Variants in TMEM132D observed in about 807,000 individuals in gnomAD.
The protein encoded by TMEM132D is transmembrane protein 132D.
A neutral mutation model predicts 62.3 loss-of-function variants in TMEM132D; 21 were observed. The observed-to-expected ratio is 0.34, with a 90% confidence interval of 0.24 to 0.49. The LOEUF is 0.49. Among genes scored for constraint, TMEM132D ranks in the 20% least tolerant of loss-of-function variants. The pLI, the probability that TMEM132D is intolerant of heterozygous loss-of-function variation, is 0.99. For missense variants in TMEM132D, 1,346 were observed against 1,402.8 expected (o/e 0.96, Z 0.65); for synonymous variants, 621 against 575.6 (o/e 1.08, Z -1.13).
At chr12:129,890,228 G>A (rs1874877175) in intron 1 of TMEM132D, among the ~76,000 whole-genome samples, 1 of 152,214 alleles carries the variant, frequency 6.6e-6, no homozygotes, top group Non-Finnish European at 1.5e-5. Context: ...TTGAGCAGGT[G>A]CATCCATCTG....
intron 4 of TMEM132D, among the ~76,000 whole-genome samples, chr12:129,258,309 A>T (rs1474681778): frequency 6.6e-6 from 1 of 152,034 alleles, no homozygotes. Context: ...TAGCAAAGAT[A>T]ATTATTATTA....
intron 1 of TMEM132D, among the ~76,000 whole-genome samples, chr12:129,790,106 G>C (rs184471099): frequency 1.7e-3 from 256 of 152,324 alleles, no homozygotes; most frequent in Non-Finnish European, 2.6e-3. Context: ...TTGCAGGAGG[G>C]GGAGCGCAGG....
chr12:129,074,462 C>A lies in TMEM132D; in HGVS notation c.2713G>T (p.Asp905Tyr), dbSNP rs2135603217. Residue 905 changes from aspartate (D) to tyrosine (Y), a missense_variant, in exon 9 of 9, where the codon GAC becomes TAC. Coordinates refer to ENST00000422113, the MANE Select transcript of TMEM132D (RefSeq NM_133448.3). ...PRSNGEMDGN[D>Y]LMQASKGLSD... ...AGCCCTTTGGATGCCTGCATAAGGT[C>A]ATTCCCATCCATTTCCCCATTGCTT... 6.2e-7 allele frequency: 1 copy of A among 1,614,162 alleles called. No homozygotes were observed. Among genetic ancestry groups the A allele is most frequent in the Non-Finnish European group, 8.5e-7 (1 of 1,180,038 alleles).
intron 4 of TMEM132D, among the ~76,000 whole-genome samples, chr12:129,247,131 C>G (rs755856401): frequency 1.3e-5 from 2 of 152,150 alleles, no homozygotes; most frequent in Non-Finnish European, 2.9e-5. Context: ...CGGGATATTG[C>G]TAAGGTTAAA....
intron 3 of TMEM132D, among the ~76,000 whole-genome samples, chr12:129,480,230 G>A (rs938253259): frequency 6.6e-6 from 1 of 152,268 alleles, no homozygotes; most frequent in Non-Finnish European, 1.5e-5. Flanking sequence ...TGGAGCTGCA[G>A]AGGGGTGCAG....
intron 5 of TMEM132D, among the ~76,000 whole-genome samples, chr12:129,196,628 C>T (rs994462872): frequency 6.6e-6 from 1 of 152,064 alleles, no homozygotes; most frequent in Non-Finnish European, 1.5e-5. Context: ...GGTTTATTTG[C>T]TGATGCTGTT....
chr12:129,802,068 T>C (rs1186096696), intron 1 of TMEM132D, among the ~76,000 whole-genome samples: 2 of 149,014 alleles, frequency 1.3e-5, no homozygotes, highest in Admixed American at 6.7e-5. Flanking sequence ...CTGATTGGTG[T>C]ACCTGAAAGT....
At chr12:129,295,734 C>A (rs141500568) in intron 4 of TMEM132D, among the ~76,000 whole-genome samples, 2,898 of 152,166 alleles carry the variant, frequency 0.019, 39 homozygotes, top group Non-Finnish European at 0.03. Flanking sequence ...TGCTCAAGTT[C>A]TTATACAAAA....
rs2137225520 is a variant in TMEM132D at position 129,699,939 on chromosome 12, G to A, written c.839C>T (p.Ser280Phe). The change falls in exon 2 of 9, where the codon TCC becomes TTC. Residue 280 changes from serine (S) to phenylalanine (F), a missense_variant. Coordinates refer to ENST00000422113, the MANE Select transcript of TMEM132D (RefSeq NM_133448.3). ...IFLYQTHRKP[S>F]LRELRLDNSV... The stretch of plus-strand genomic sequence containing the variant: ...GTTGTCCAGACGCAGTTCTCTCAGG[G>A]AGGGTTTCCTGTGTGTCTGATAAAG... 6.2e-7 allele frequency: 1 copy of A among 1,614,140 alleles called. No individual in the cohort carries two copies. Among genetic ancestry groups the A allele is most frequent in the Non-Finnish European group, 8.5e-7 (1 of 1,180,026 alleles).
At chr12:129,405,531 C>T in intron 3 of TMEM132D, among the ~76,000 whole-genome samples, 1 of 152,238 alleles carries the variant, frequency 6.6e-6, no homozygotes, top group Non-Finnish European at 1.5e-5. Context: ...CCGACAGAGG[C>T]ATGGAGGTGG....
At chr12:129,342,375 T>C (rs966285431) in intron 3 of TMEM132D, among the ~76,000 whole-genome samples, 2 of 151,926 alleles carry the variant, frequency 1.3e-5, no homozygotes, top group Non-Finnish European at 2.9e-5. Context: ...TAGCCATATG[T>C]AGAAAGCTGA....
At chr12:129,138,396 G>A (rs962857459) in intron 5 of TMEM132D, among the ~76,000 whole-genome samples, 28 of 152,068 alleles carry the variant, frequency 1.8e-4, no homozygotes, top group Non-Finnish European at 3.7e-4. Context: ...TTTATTTTAG[G>A]GATATAGACT....
At chr12:129,745,706 T>C (rs1244619816) in intron 1 of TMEM132D, among the ~76,000 whole-genome samples, 5 of 152,242 alleles carry the variant, frequency 3.3e-5, no homozygotes, top group Non-Finnish European at 7.3e-5. Context: ...ATATCACCTG[T>C]TGTGTTCCTG....
chr12:129,690,358 G>A (rs1031100178), intron 2 of TMEM132D, among the ~76,000 whole-genome samples: 13 of 152,142 alleles, frequency 8.5e-5, no homozygotes, highest in Admixed American at 2.0e-4. Context: ...TATATGAAAA[G>A]CATTTAAATG....
Position 129,357,437 on chromosome 12 carries a change from GA to G in TMEM132D, c.1116-19621del, listed in dbSNP as rs534016340. ...AAGGAGAAAGAAAGACGGAAGGAAA[GA>G]AAAAAAGAAAAAGCGAGCGAGCAAG... On this transcript the variant is annotated intron_variant, in intron 3 of 8. Coordinates refer to ENST00000422113, the MANE Select transcript of TMEM132D (RefSeq NM_133448.3). Among the ~76,000 whole-genome samples the G allele has an allele frequency of 2.0e-3, 286 of 143,220 alleles. 4 individuals are homozygous for G. The highest frequency in any genetic ancestry group is 6.8e-3 in the African/African-American group (262 of 38,748). 94.0% of individuals were successfully genotyped at this position (143,220 alleles called of 152,430 possible).
In TMEM132D at chr12:129,074,183, C is replaced by G. The variant is rs773444326; in HGVS notation, c.2992G>C (p.Glu998Gln). 2 of 1,613,964 alleles carry G rather than the reference C, an allele frequency of 1.2e-6. No individual in the cohort carries two copies. The highest frequency in any genetic ancestry group is 1.7e-6 in the Non-Finnish European group (2 of 1,180,020). ...GTGCTGAGGAGATATTTACTTTCCT[C>G]GAAATCCATGCCCCTGTCAATGGCA... Reference protein sequence around the residue: ...ITAIDRGMDFEESKYLLSTNS... With the variant: ...ITAIDRGMDFQESKYLLSTNS... Residue 998 changes from glutamate (E) to glutamine (Q), a missense_variant, in exon 9 of 9, where the codon GAG (glutamate) becomes CAG (glutamine). Physicochemically the swap from Glu to Gln is conservative, Grantham distance 29. Coordinates refer to ENST00000422113, the MANE Select transcript of TMEM132D (RefSeq NM_133448.3).
chr12:129,208,082 C>T (rs752868148), intron 5 of TMEM132D, among the ~76,000 whole-genome samples: 34 of 152,110 alleles, frequency 2.2e-4, no homozygotes, highest in Non-Finnish European at 4.0e-4. Flanking sequence ...TCATATCGCC[C>T]GTGACCGCCC....
intron 6 of TMEM132D, among the ~76,000 whole-genome samples, chr12:129,084,163 CAG>C (rs1450967969): frequency 1.3e-5 from 2 of 152,246 alleles, no homozygotes; most frequent in African/African-American, 2.4e-5. Context: ...GCCAGCCACT[CAG>C]TGTGTTTGAG....
At chr12:129,661,246 C>T (rs527425839) in intron 2 of TMEM132D, among the ~76,000 whole-genome samples, 108 of 152,260 alleles carry the variant, frequency 7.1e-4, no homozygotes, top group African/African-American at 2.4e-3. Flanking sequence ...AAGCCATGGA[C>T]GCAGGCATAC....
Sources: allele counts gnomAD v4.1 joint callset (sites outside exome capture counted in the v4.1 genomes callset), GRCh38; gene constraint gnomAD v4.1.1; transcripts MANE v1.5; gene names NCBI Gene and HGNC (gene_info 2026-07-23, HGNC 2026-07-21).